The following MAGI1 variants were observed in gnomAD, a reference collection of about 807,000 sequenced individuals.
MAGI1 encodes membrane-associated guanylate kinase, WW and PDZ domain-containing protein 1.
MAGI1 carries 58 observed loss-of-function variants against 139.9 expected under a neutral mutation model. That is an observed-to-expected ratio of 0.41 (90% confidence interval 0.34 to 0.52). The LOEUF (loss-of-function observed/expected upper bound fraction) is 0.52. Ranked by LOEUF, MAGI1 falls within the 20% of genes least tolerant of loss-of-function variation. The pLI is 0.12. For synonymous variants in MAGI1, 812 were observed against 737.9 expected, an observed-to-expected ratio of 1.10 and a Z score of -1.63; for missense variants, 1,874 against 1,901.6, an observed-to-expected ratio of 0.99 and a Z score of 0.27.
chr3:66,038,597 C>G lies in MAGI1; in HGVS notation c.-289G>C, dbSNP rs2069066633. On this transcript the variant is annotated 5_prime_UTR_variant, in exon 1 of 23. Coordinates refer to ENST00000402939, the MANE Select transcript of MAGI1 (RefSeq NM_001033057.2). ...GGCGCCCGCCCGTGCTCTCCCGGACCAGAGTCCACTCTGCGCCGCTCGGGT... is the reference window on the plus strand; with the variant it reads ...GGCGCCCGCCCGTGCTCTCCCGGACGAGAGTCCACTCTGCGCCGCTCGGGT... The G allele has an allele frequency of 4.7e-6, 2 of 424,942 alleles. No homozygotes were observed. The highest frequency in any genetic ancestry group is 8.3e-6 in the Non-Finnish European group (2 of 242,294). The allele number at this position is 424,942 out of a possible 1,614,324, so 26.3% of individuals were successfully genotyped here. A position where few individuals can be genotyped will look rare whatever the true frequency, so the allele number is the denominator to read the frequency against.
chr3:65,368,974 G>A (rs1035075762), intron 18 of MAGI1, among the ~76,000 whole-genome samples: 1 of 152,156 alleles, frequency 6.6e-6, no homozygotes, highest in Non-Finnish European at 1.5e-5. Context: ...CCCACTCCAT[G>A]GGGCATCTCC....
rs796065738 is a variant in MAGI1 at position 66,033,184 on chromosome 3, C to T, written c.313+4812G>A. Among the ~76,000 whole-genome samples, 40 of 152,100 alleles carry T rather than the reference C, an allele frequency of 2.6e-4. 1 individual carries two copies. The highest frequency in any genetic ancestry group is 9.4e-4 in the African/African-American group (39 of 41,522). On this transcript the variant is annotated intron_variant, in intron 1 of 22. Transcript: ENST00000402939. ...CTGGGACTACAGAAGTTCGCCACCA[C>T]GCCCAGCTAGTTTATGTATTTTTTG...
At chr3:65,992,443 C>T (rs914301591) in intron 1 of MAGI1, among the ~76,000 whole-genome samples, 1 of 102,550 alleles carries the variant, frequency 9.8e-6, no homozygotes, top group Non-Finnish European at 2.1e-5. Flanking sequence ...TTGAAGAAAA[C>T]CTGAGCAAAA....
chr3:65,458,029 A>G (rs1394371877), intron 5 of MAGI1, among the ~76,000 whole-genome samples: 1 of 152,140 alleles, frequency 6.6e-6, no homozygotes, highest in Non-Finnish European at 1.5e-5. Flanking sequence ...TTAGTTCCAC[A>G]AATAAGTGAG....
chr3:65,840,098 A>T (rs2058754694), intron 1 of MAGI1, among the ~76,000 whole-genome samples: 1 of 151,908 alleles, frequency 6.6e-6, no homozygotes, highest in Non-Finnish European at 1.5e-5. Flanking sequence ...GATTTTTGTA[A>T]GCTTATCTTG....
chr3:65,718,959 C>CT, intron 1 of MAGI1, among the ~76,000 whole-genome samples: 1 of 149,108 alleles, frequency 6.7e-6, no homozygotes, highest in East Asian at 2.0e-4. Flanking sequence ...CTCTCTGCTC[C>CT]TCACCACAGC....
intron 1 of MAGI1, chr3:65,844,339 T>C (rs1215198584): frequency 1.3e-5 from 4 of 314,338 alleles, no homozygotes; most frequent in African/African-American, 2.2e-5. Context: ...CTAGATGATC[T>C]TGACTGAAAA....
At chr3:65,838,795 T>C (rs2058712500) in intron 1 of MAGI1, among the ~76,000 whole-genome samples, 1 of 152,298 alleles carries the variant, frequency 6.6e-6, no homozygotes, top group Admixed American at 6.5e-5. Flanking sequence ...AATTAAGAAA[T>C]GGACATATCA....
chr3:65,549,498 TC>T, intron 2 of MAGI1: 1 of 985,094 alleles, frequency 1.0e-6, no homozygotes, highest in South Asian at 4.7e-5. Context: ...TCCCCGCGCG[TC>T]TGAGCGGCCC....
At chr3:65,792,656 G>T (rs1402294998) in intron 1 of MAGI1, among the ~76,000 whole-genome samples, 1 of 152,044 alleles carries the variant, frequency 6.6e-6, no homozygotes, top group African/African-American at 2.4e-5. Context: ...CTACTAAGTG[G>T]CTAACAGGGA....
At chr3:65,423,825 T>G (rs1490490102) in intron 12 of MAGI1, among the ~76,000 whole-genome samples, 1 of 152,250 alleles carries the variant, frequency 6.6e-6, no homozygotes, top group Non-Finnish European at 1.5e-5. Flanking sequence ...TCTAGAAGCA[T>G]GCCTGGCACA....
intron 7 of MAGI1, among the ~76,000 whole-genome samples, chr3:65,446,288 C>T (rs933381824): frequency 1.3e-5 from 2 of 152,182 alleles, no homozygotes; most frequent in African/African-American, 4.8e-5. Context: ...ATGGGAGCTA[C>T]TCTTTTGGCC....
intron 5 of MAGI1, among the ~76,000 whole-genome samples, chr3:65,462,817 T>C (rs1441667581): frequency 1.3e-5 from 2 of 152,164 alleles, no homozygotes; most frequent in Non-Finnish European, 2.9e-5. Flanking sequence ...GTAGTTCTCC[T>C]TGAAGAGCTG....
At chr3:65,572,024 C>T (rs184151860) in intron 2 of MAGI1, among the ~76,000 whole-genome samples, 167 of 152,000 alleles carry the variant, frequency 1.1e-3, no homozygotes, top group East Asian at 4.5e-3. Context: ...AAAAAGTATA[C>T]AGGAGAAAGG....
At chr3:66,011,456 A>G (rs2107505516) in intron 1 of MAGI1, among the ~76,000 whole-genome samples, 1 of 152,238 alleles carries the variant, frequency 6.6e-6, no homozygotes, top group Admixed American at 6.5e-5. Context: ...CCTATGTCAT[A>G]TGCCCACATG....
intron 1 of MAGI1, among the ~76,000 whole-genome samples, chr3:65,931,085 T>C (rs1353093144): frequency 1.4e-5 from 2 of 141,132 alleles, no homozygotes; most frequent in Non-Finnish European, 3.3e-5. Context: ...CAGGGTAGAG[T>C]GCAGTGGCAC....
At chr3:65,607,122 C>A (rs975369849) in intron 2 of MAGI1, among the ~76,000 whole-genome samples, 1 of 151,516 alleles carries the variant, frequency 6.6e-6, no homozygotes, top group African/African-American at 2.4e-5. Flanking sequence ...AAATAAATAA[C>A]AATAACATAA....
intron 1 of MAGI1, among the ~76,000 whole-genome samples, chr3:65,796,917 G>A (rs1382539188): frequency 6.6e-6 from 1 of 152,164 alleles, no homozygotes; most frequent in African/African-American, 2.4e-5. Flanking sequence ...CATAGTTTGA[G>A]GATGCCTCCT....
At chr3:65,384,999 G>A (rs894663310) in intron 14 of MAGI1, among the ~76,000 whole-genome samples, 2 of 152,074 alleles carry the variant, frequency 1.3e-5, no homozygotes, top group Non-Finnish European at 2.9e-5. Flanking sequence ...CAATGGTGAT[G>A]ACAAAAAGTC....
Sources: allele counts gnomAD v4.1 joint callset (sites outside exome capture counted in the v4.1 genomes callset), GRCh38; gene constraint gnomAD v4.1.1; transcripts MANE v1.5; gene names NCBI Gene and HGNC (gene_info 2026-07-23, HGNC 2026-07-21).